MAP2: variants seen among roughly 807,000 people sequenced by gnomAD.
MAP2 encodes the protein microtubule-associated protein 2.
A neutral mutation model predicts 137.6 loss-of-function variants in MAP2; 14 were observed. The ratio of observed to expected loss-of-function variants is 0.10; its 90% confidence interval spans 0.07 to 0.16. MAP2 has a LOEUF of 0.16. MAP2 is among the 10% of genes least tolerant of loss of function. The pLI is 1.00. For synonymous variants in MAP2, 786 were observed against 782.3 expected (o/e 1.00, Z -0.08); for missense variants, 2,088 against 2,191.5 (o/e 0.95, Z 0.94).
intron 2 of MAP2, among the ~76,000 whole-genome samples, chr2:209,532,258 AG>A (rs2065235325): frequency 6.6e-6 from 1 of 150,874 alleles, no homozygotes; most frequent in Admixed American, 6.6e-5. Flanking sequence ...AAAAAAAAAA[AG>A]AAGAGAAGGA....
intron 2 of MAP2, among the ~76,000 whole-genome samples, chr2:209,534,249 C>G (rs958102859): frequency 6.6e-6 from 1 of 152,212 alleles, no homozygotes; most frequent in Non-Finnish European, 1.5e-5. Flanking sequence ...TTAGCCCTTA[C>G]AACAAGTTGG....
intron 7 of MAP2, among the ~76,000 whole-genome samples, chr2:209,685,375 C>T (rs1254254448): frequency 6.6e-6 from 1 of 152,072 alleles, no homozygotes; most frequent in Non-Finnish European, 1.5e-5. Flanking sequence ...ATGCACCTGC[C>T]ATACACAACA....
At chr2:209,619,932 T>A (rs2153517200) in intron 3 of MAP2, among the ~76,000 whole-genome samples, 1 of 152,234 alleles carries the variant, frequency 6.6e-6, no homozygotes, top group South Asian at 2.1e-4. Flanking sequence ...TGTGTGTCAC[T>A]TCCTCATTAA....
intron 1 of MAP2, among the ~76,000 whole-genome samples, chr2:209,432,472 A>T (rs1159247968): frequency 6.6e-6 from 1 of 152,178 alleles, no homozygotes; most frequent in African/African-American, 2.4e-5. Context: ...CAAATACTTG[A>T]AAGCCACGAA....
At chr2:209,704,039 G>C in intron 11 of MAP2, 1 of 454,978 alleles carries the variant, frequency 2.2e-6, no homozygotes, top group South Asian at 1.6e-5. Context: ...GCTGAGGTTT[G>C]AGCTTATATT....
At chr2:209,432,805 C>T (rs1694674280) in intron 1 of MAP2, among the ~76,000 whole-genome samples, 2 of 152,110 alleles carry the variant, frequency 1.3e-5, no homozygotes, top group African/African-American at 2.4e-5. Flanking sequence ...GGGAATAAAA[C>T]CACCTGGATT....
chr2:209,693,917 A>T lies in MAP2; in HGVS notation c.1747A>T (p.Thr583Ser). The T allele has an allele frequency of 6.2e-7, 1 of 1,611,560 alleles. No individual in the cohort carries two copies. Among genetic ancestry groups the T allele is most frequent in the Non-Finnish European group, 8.5e-7 (1 of 1,179,198 alleles). ...AACATCTGCCTTGAAAGAAGAAGCA[A>T]CAAAAAGCATTGAGCCAGGCAGTGA... Reference protein sequence around the residue: ...FETSALKEEATKSIEPGSDYY... With the variant: ...FETSALKEEASKSIEPGSDYY... Residue 583 changes from threonine (T) to serine (S), a missense_variant, in exon 8 of 16, where the codon ACA (threonine) becomes TCA (serine). By Grantham distance (58) the Thr-to-Ser change is moderately conservative (BLOSUM62 1). This residue lies in a region of MAP2 where 859 missense variants were observed against 794.5 expected (regional missense o/e 1.08). Coordinates refer to ENST00000682079, the MANE Select transcript of MAP2 (RefSeq NM_001375505.1).
intron 2 of MAP2, among the ~76,000 whole-genome samples, chr2:209,542,711 C>T (rs894392993): frequency 6.6e-6 from 1 of 152,220 alleles, no homozygotes; most frequent in Non-Finnish European, 1.5e-5. Context: ...CCTTAAACCT[C>T]ATGAACCAAC....
chr2:209,523,895 T>A lies in MAP2; in HGVS notation c.-172+16254T>A, dbSNP rs1290407176. Among the ~76,000 whole-genome samples, 13 of 152,296 alleles carry A rather than the reference T, an allele frequency of 8.5e-5. No homozygotes were observed. The East Asian group carries it at 1.7e-3, about 20-fold the overall frequency. ...CTATGGATATACATAAAAAGGATGTTAGCAGAAATGAAAAGTTCCGTTTAA... is the reference window on the plus strand; with the variant it reads ...CTATGGATATACATAAAAAGGATGTAAGCAGAAATGAAAAGTTCCGTTTAA... On this transcript the variant is annotated intron_variant, in intron 2 of 15. Coordinates refer to ENST00000682079, the MANE Select transcript of MAP2 (RefSeq NM_001375505.1).
chr2:209,574,432 T>TACACACACACACACACACAC lies in MAP2; in HGVS notation c.-171-5594_-171-5575dup, dbSNP rs57166815. Among the ~76,000 whole-genome samples the TACACACACACACACACACAC allele has an allele frequency of 3.4e-3, 510 of 148,784 alleles. 4 individuals are homozygous for TACACACACACACACACACAC. Among genetic ancestry groups the TACACACACACACACACACAC allele is most frequent in the African/African-American group, 0.012 (484 of 40,474 alleles). ...CTTTTTTAGAGCTGCATAGTATAGA[T>TACACACACACACACACACAC]ACACACACACACACACACACACACA... is the stretch of plus-strand genomic sequence containing the variant. On this transcript the variant is annotated intron_variant, in intron 2 of 15. Coordinates refer to ENST00000682079, the MANE Select transcript of MAP2 (RefSeq NM_001375505.1).
intron 1 of MAP2, among the ~76,000 whole-genome samples, chr2:209,457,707 T>G (rs1353417393): frequency 2.0e-5 from 3 of 152,308 alleles, no homozygotes; most frequent in Non-Finnish European, 4.4e-5. Context: ...ATGCATCACA[T>G]GAAAGTTCTC....
At chr2:209,437,531 T>C (rs1205213058) in intron 1 of MAP2, among the ~76,000 whole-genome samples, 2 of 151,586 alleles carry the variant, frequency 1.3e-5, no homozygotes, top group Non-Finnish European at 3.0e-5. Flanking sequence ...GTAGATATTG[T>C]GGATACATTG....
chr2:209,557,789 G>A (rs2071031446), intron 2 of MAP2, among the ~76,000 whole-genome samples: 1 of 152,224 alleles, frequency 6.6e-6, no homozygotes, highest in African/African-American at 2.4e-5. Flanking sequence ...TCCATGAGCA[G>A]TGTGGGAGTG....
intron 1 of MAP2, among the ~76,000 whole-genome samples, chr2:209,434,338 G>T (rs1345973188): frequency 6.6e-6 from 1 of 151,760 alleles, no homozygotes; most frequent in Non-Finnish European, 1.5e-5. Context: ...GTCATATTAT[G>T]ATAGTTACTG....
Position 209,696,172 on chromosome 2 carries a change from A to G in MAP2, c.4002A>G (p.Glu1334=). 1 of 1,612,822 alleles carries G rather than the reference A, an allele frequency of 6.2e-7. No individual in the cohort carries two copies. The highest frequency in any genetic ancestry group is 8.5e-7 in the Non-Finnish European group (1 of 1,179,558). The change falls in exon 8 of 16, where the codon GAA becomes GAG. Residue 1334 remains glutamate (E), a synonymous_variant. Coordinates refer to ENST00000682079, the MANE Select transcript of MAP2 (RefSeq NM_001375505.1). The part of the protein sequence containing the change: ...SPHDEEEFEV[E]EAAEAQAEPK... Reference sequence around the variant, plus strand: ...ATGATGAAGAAGAGTTTGAAGTAGAAGAGGCAGCTGAAGCCCAGGCAGAAC... The same window carrying G: ...ATGATGAAGAAGAGTTTGAAGTAGAGGAGGCAGCTGAAGCCCAGGCAGAAC...
At chr2:209,501,394 T>C (rs900282149) in intron 1 of MAP2, among the ~76,000 whole-genome samples, 7 of 152,192 alleles carry the variant, frequency 4.6e-5, no homozygotes, top group African/African-American at 1.7e-4. Context: ...TATAATGTTA[T>C]CTGACCATCA....
chr2:209,587,815 G>T (rs2078150540), intron 3 of MAP2, among the ~76,000 whole-genome samples: 1 of 152,188 alleles, frequency 6.6e-6, no homozygotes. Flanking sequence ...ACCATGCCAT[G>T]ACCAGGTCTC....
intron 4 of MAP2, among the ~76,000 whole-genome samples, chr2:209,634,060 C>T (rs2093341865): frequency 6.6e-6 from 1 of 152,144 alleles, no homozygotes; most frequent in African/African-American, 2.4e-5. Context: ...ATCTTTGCTC[C>T]AGCCACACCG....
chr2:209,575,491 A>C (rs1046563964), intron 2 of MAP2, among the ~76,000 whole-genome samples: 5 of 134,518 alleles, frequency 3.7e-5, no homozygotes, highest in Non-Finnish European at 7.6e-5. Flanking sequence ...ACTGCACTCC[A>C]GCCTGGGCAA....
Sources: allele counts gnomAD v4.1 joint callset (sites outside exome capture counted in the v4.1 genomes callset), GRCh38; gene constraint gnomAD v4.1.1; regional missense constraint gnomAD v4.1.1; transcripts MANE v1.5; gene names NCBI Gene and HGNC (gene_info 2026-07-23, HGNC 2026-07-21).